Variants in SETD2 observed in about 807,000 individuals in gnomAD.
SETD2 encodes the protein SET domain containing 2, histone lysine methyltransferase, also known as histone-lysine N-methyltransferase SETD2.
Under a neutral mutation model 242.1 loss-of-function variants are expected in SETD2, and 31 were observed. The observed-to-expected ratio is 0.13, with a 90% CI of 0.10 to 0.17. The LOEUF is 0.17. Among genes scored for constraint, SETD2 ranks in the 10% least tolerant of loss-of-function variants. The probability of loss-of-function intolerance (pLI) is 1.00; values close to 1 mark genes in which losing one functional copy is unlikely to be tolerated. For missense variants in SETD2, 2,481 were observed against 3,046.3 expected, an observed-to-expected ratio of 0.81 and a Z score of 4.37; for synonymous variants, 1,006 against 1,066.5, an observed-to-expected ratio of 0.94 and a Z score of 1.11.
rs1367997149 is a variant in SETD2 at position 47,050,723 on chromosome 3, C to T, written c.6964-4102G>A. Among the ~76,000 whole-genome samples, 141 of 66,900 alleles carry T rather than the reference C, an allele frequency of 2.1e-3. 1 individual carries two copies. Among genetic ancestry groups the T allele is most frequent in the East Asian group, 5.8e-3 (11 of 1,898 alleles). The allele number at this position is 66,900 out of a possible 152,430, so 43.9% of individuals were successfully genotyped here. ...CTCAACCTGTATACATTTCCTCTCT[C>T]TTTTTTTTTTTTTTTTTTTTTTTTT... On this transcript the variant is annotated intron_variant, in intron 15 of 20. Transcript: ENST00000409792.
At chr3:47,093,769 C>A (rs1178075594) in intron 9 of SETD2, among the ~76,000 whole-genome samples, 2 of 152,098 alleles carry the variant, frequency 1.3e-5, no homozygotes, top group Non-Finnish European at 2.9e-5. Flanking sequence ...AAGTGGTTGT[C>A]CCTCATTTAC....
At chr3:47,076,393 T>C (rs572165829) in intron 12 of SETD2, among the ~76,000 whole-genome samples, 27 of 152,242 alleles carry the variant, frequency 1.8e-4, no homozygotes, top group African/African-American at 5.5e-4. Flanking sequence ...ATTTAAAAAT[T>C]TTAAATAGGA....
intron 12 of SETD2, among the ~76,000 whole-genome samples, chr3:47,071,051 C>G (rs545837421): frequency 1.3e-5 from 2 of 152,158 alleles, no homozygotes; most frequent in South Asian, 2.1e-4. Flanking sequence ...CTCACTGCAC[C>G]CTCAAACTCC....
intron 9 of SETD2, among the ~76,000 whole-genome samples, chr3:47,091,690 G>A (rs1038257837): frequency 6.6e-6 from 1 of 152,204 alleles, no homozygotes; most frequent in Non-Finnish European, 1.5e-5. Context: ...TTCAGCGCGG[G>A]AGGCGGAGGT....
intron 12 of SETD2, among the ~76,000 whole-genome samples, chr3:47,068,543 C>A: frequency 7.3e-6 from 1 of 136,140 alleles, no homozygotes; most frequent in Admixed American, 8.3e-5. Flanking sequence ...GTCATCCAGG[C>A]TGGGGTAAAG....
intron 1 of SETD2, among the ~76,000 whole-genome samples, chr3:47,160,879 T>C (rs1010636461): frequency 3.9e-5 from 6 of 152,192 alleles, no homozygotes; most frequent in Non-Finnish European, 7.3e-5. Flanking sequence ...ACTGCACAGA[T>C]ACTCAAGTGA....
chr3:47,101,900 A>C (rs1258465746), intron 7 of SETD2, among the ~76,000 whole-genome samples: 6 of 152,220 alleles, frequency 3.9e-5, no homozygotes, highest in African/African-American at 1.4e-4. Context: ...TGTACTAAAA[A>C]TTGGCAAACA....
chr3:47,053,493 C>T (rs1334434469), intron 15 of SETD2, among the ~76,000 whole-genome samples: 1 of 152,060 alleles, frequency 6.6e-6, no homozygotes, highest in Non-Finnish European at 1.5e-5. Context: ...GTCACAAGAC[C>T]ACTACAAATT....
chr3:47,039,974 A>G (rs2039203976), intron 17 of SETD2, among the ~76,000 whole-genome samples: 1 of 151,664 alleles, frequency 6.6e-6, no homozygotes, highest in Admixed American at 6.6e-5. Context: ...GACTCATTTT[A>G]TAAAAGCCTT....
Position 47,103,339 on chromosome 3 carries a change from A to G in SETD2, c.4917+7T>C. ...ATACCTCAAACTCTAAATCCACCTCAACTTACTTTTTGGGTTTCACAATTT... is the reference window on the plus strand; with the variant it reads ...ATACCTCAAACTCTAAATCCACCTCGACTTACTTTTTGGGTTTCACAATTT... On this transcript the variant is annotated splice_region_variant and intron_variant, in intron 7 of 20. Transcript: ENST00000409792. 1 of 1,597,286 alleles carries G rather than the reference A, an allele frequency of 6.3e-7. No individual in the cohort carries two copies. The highest frequency in any genetic ancestry group is 1.1e-5 in the South Asian group (1 of 90,746).
At chr3:47,126,605 G>C in intron 2 of SETD2, 43 bp downstream of exon 2, 1 of 1,037,148 alleles carries the variant, frequency 9.6e-7, no homozygotes. Context: ...GTGTTTAGTG[G>C]TCCATCTCAT....
intron 1 of SETD2, among the ~76,000 whole-genome samples, chr3:47,134,806 TAG>T (rs1319947753): frequency 6.6e-6 from 1 of 152,130 alleles, no homozygotes; most frequent in African/African-American, 2.4e-5. Context: ...GTATTTTTAG[TAG>T]AGACAGGGTT....
At chr3:47,136,236 A>G (rs1575834130) in intron 1 of SETD2, among the ~76,000 whole-genome samples, 1 of 152,154 alleles carries the variant, frequency 6.6e-6, no homozygotes, top group East Asian at 1.9e-4. Context: ...CCCACTCCAC[A>G]TACCTGCTTA....
At chr3:47,036,272 C>T (rs1405897748) in intron 18 of SETD2, among the ~76,000 whole-genome samples, 4 of 152,088 alleles carry the variant, frequency 2.6e-5, no homozygotes, top group African/African-American at 2.4e-5. Flanking sequence ...ACACTTCATA[C>T]GGTCAGCTGT....
At chr3:47,050,527 G>A (rs1232300719) in intron 15 of SETD2, among the ~76,000 whole-genome samples, 2 of 152,096 alleles carry the variant, frequency 1.3e-5, no homozygotes, top group East Asian at 1.9e-4. Context: ...TACAAAATAT[G>A]AAACTTTTTG....
At chr3:47,029,559 C>A (rs1455977456) in intron 18 of SETD2, among the ~76,000 whole-genome samples, 3 of 151,480 alleles carry the variant, frequency 2.0e-5, no homozygotes, top group Non-Finnish European at 2.9e-5. Flanking sequence ...GGACTCTAAC[C>A]CCCTTAATAC....
chr3:47,063,770 G>C (rs910850333), intron 13 of SETD2, among the ~76,000 whole-genome samples: 1 of 152,020 alleles, frequency 6.6e-6, no homozygotes, highest in Non-Finnish European at 1.5e-5. Flanking sequence ...AGATTATGAG[G>C]TTAGGAGTTT....
chr3:47,145,363 A>G (rs2043827658), intron 1 of SETD2: 1 of 191,304 alleles, frequency 5.2e-6, no homozygotes, highest in Admixed American at 5.0e-5. Flanking sequence ...ATTTTGGGAC[A>G]TGGAATAAAC....
chr3:47,091,744 C>T (rs896598297), intron 9 of SETD2, among the ~76,000 whole-genome samples: 1 of 151,948 alleles, frequency 6.6e-6, no homozygotes, highest in Non-Finnish European at 1.5e-5. Context: ...GCCTGGGCGA[C>T]AGAGCAAGAC....
Sources: gnomAD v4.1 joint callset for allele counts (sites outside exome capture counted in the v4.1 genomes callset) on GRCh38, gnomAD v4.1.1 for gene constraint, MANE v1.5 for transcripts, NCBI Gene and HGNC (gene_info 2026-07-23, HGNC 2026-07-21) for gene names.